Variants in SLC1A1 observed in about 807,000 individuals in gnomAD.
SLC1A1 encodes solute carrier family 1 member 1, also known as excitatory amino acid transporter 3.
SLC1A1 carries 43 observed loss-of-function variants against 53.3 expected under a neutral mutation model. That is an observed-to-expected ratio of 0.81 (90% CI 0.63 to 1.04). SLC1A1 has a LOEUF of 1.04. SLC1A1 is among the 50% of genes least tolerant of loss of function. The pLI is 0.00. For synonymous variants in SLC1A1, 307 were observed against 243.2 expected (o/e 1.26, Z -2.44); for missense variants, 748 against 664.9 (o/e 1.12, Z -1.37).
chr9:4,560,038 T>C (rs1442454998), intron 2 of SLC1A1: 1 of 152,262 alleles, frequency 6.6e-6, no homozygotes, highest in Non-Finnish European at 1.5e-5. Flanking sequence ...GTCATCTTAC[T>C]GGTAGCCAAG....
rs1344633087 is a variant in SLC1A1 at position 4,544,548 on chromosome 9, C to A, written c.92-19C>A. The A allele has an allele frequency of 1.2e-6, 2 of 1,611,078 alleles. No homozygotes were observed. Among genetic ancestry groups the A allele is most frequent in the African/African-American group, 1.3e-5 (1 of 74,858 alleles). On this transcript the variant is annotated intron_variant, in intron 1 of 11. Transcript: ENST00000262352. The stretch of plus-strand genomic sequence containing the variant: ...CAATAATGTTCCTCTTCCTTCTTTC[C>A]AACTCTTGTTTTCCTTAGGCATTAC...
At chr9:4,528,689 T>C (rs1054762988) in intron 1 of SLC1A1, among the ~76,000 whole-genome samples, 2 of 152,156 alleles carry the variant, frequency 1.3e-5, no homozygotes, top group African/African-American at 4.8e-5. Flanking sequence ...TATAAAGAGA[T>C]GATACCAGAG....
chr9:4,509,933 A>T (rs555624800), intron 1 of SLC1A1, among the ~76,000 whole-genome samples: 270 of 152,288 alleles, frequency 1.8e-3, no homozygotes, highest in Non-Finnish European at 3.4e-3. Context: ...TCCCAGGTTC[A>T]AGCAATTCTC....
At chr9:4,546,245 AT>A (rs1817485739) in intron 2 of SLC1A1, among the ~76,000 whole-genome samples, 1 of 152,196 alleles carries the variant, frequency 6.6e-6, no homozygotes. Flanking sequence ...ACATTTAATT[AT>A]TTTTATGAAT....
chr9:4,564,759 G>C (rs1440250876), intron 4 of SLC1A1, among the ~76,000 whole-genome samples: 1 of 152,122 alleles, frequency 6.6e-6, no homozygotes, highest in Non-Finnish European at 1.5e-5. Context: ...AGCGCACTTA[G>C]AAAAATACAT....
chr9:4,564,431 C>T lies in SLC1A1; in HGVS notation c.413C>T (p.Thr138Met), dbSNP rs145704593. The T allele has an allele frequency of 5.0e-5, 80 of 1,612,548 alleles. No homozygotes were observed. Among genetic ancestry groups the T allele is most frequent in the South Asian group, 3.5e-4 (32 of 90,860 alleles). The change falls in exon 4 of 12, where the codon ACG (threonine) becomes ATG (methionine). Residue 138 changes from threonine to methionine, a missense_variant. By Grantham distance (81) the Thr-to-Met change is moderately conservative. Transcript: ENST00000262352. ...ARTGSTPEVS[T>M]VDAMLDLIRN... is the part of the protein sequence containing the mutation. The stretch of plus-strand genomic sequence containing the variant: ...ACAGGCAGCACCCCTGAAGTCAGTA[C>T]GGTGGATGCCATGTTAGATCTCATC...
intron 1 of SLC1A1, among the ~76,000 whole-genome samples, chr9:4,492,585 GC>G (rs967840875): frequency 2.6e-5 from 4 of 152,102 alleles, no homozygotes; most frequent in East Asian, 1.9e-4. Context: ...GATTGCTTGA[GC>G]CCAGGAGTTG....
chr9:4,549,245 C>T lies in SLC1A1; in HGVS notation c.232+4538C>T, dbSNP rs373956333. Among the ~76,000 whole-genome samples, 15 of 152,130 alleles carry T rather than the reference C, an allele frequency of 9.9e-5. No homozygotes were observed. Among genetic ancestry groups the T allele is most frequent in the South Asian group, 6.2e-4 (3 of 4,824 alleles). ...CTTCCACTTTAGCCTCTGCCACCCCCGCCTGGGCCAGAAGCACTCCAGTGG... is the reference window on the plus strand; with the variant it reads ...CTTCCACTTTAGCCTCTGCCACCCCTGCCTGGGCCAGAAGCACTCCAGTGG... On this transcript the variant is annotated intron_variant, in intron 2 of 11. Coordinates refer to ENST00000262352, the MANE Select transcript of SLC1A1 (RefSeq NM_004170.6). The surrounding 1 kb of genome is among the most constrained non-coding windows in gnomAD (Gnocchi z 4.1).
chr9:4,561,289 G>A (rs372135394), intron 2 of SLC1A1, among the ~76,000 whole-genome samples, 160 bp from the exon 3 acceptor site: 1 of 152,192 alleles, frequency 6.6e-6, no homozygotes, highest in African/African-American at 2.4e-5. Context: ...AATCTGTTTG[G>A]AATTTTGAAG....
Position 4,556,111 on chromosome 9 carries a change from C to G in SLC1A1, c.233-5338C>G, listed in dbSNP as rs563146335. On this transcript the variant is annotated intron_variant, in intron 2 of 11. Transcript: ENST00000262352. This position sits in a 1 kb window ranked among gnomAD's most constrained non-coding sequence, Gnocchi z 4.1. ...TCAAGAGATTCTCCTGCCTCAGCCTCCTGAGTAGCTGGGATTGCAGGTGCA... is the reference window on the plus strand; with the variant it reads ...TCAAGAGATTCTCCTGCCTCAGCCTGCTGAGTAGCTGGGATTGCAGGTGCA... Among the ~76,000 whole-genome samples, 1 of 152,126 alleles carries G rather than the reference C, an allele frequency of 6.6e-6. No individual in the cohort carries two copies. Among genetic ancestry groups the G allele is most frequent in the African/African-American group, 2.4e-5 (1 of 41,492 alleles).
chr9:4,530,740 C>T lies in SLC1A1; in HGVS notation c.92-13827C>T, dbSNP rs143998438. ...ACAATTATATTATTTTTTAACTCTTCCCCTTCAAATCCTCTAGCACTTAAT... is the reference window on the plus strand; with the variant it reads ...ACAATTATATTATTTTTTAACTCTTTCCCTTCAAATCCTCTAGCACTTAAT... On this transcript the variant is annotated intron_variant, in intron 1 of 11. Coordinates refer to ENST00000262352, the MANE Select transcript of SLC1A1 (RefSeq NM_004170.6). Among the ~76,000 whole-genome samples, 87 of 152,178 alleles carry T rather than the reference C, an allele frequency of 5.7e-4. 2 individuals are homozygous for T. In the East Asian group the frequency reaches 0.016, roughly 28 times the overall value.
intron 10 of SLC1A1, among the ~76,000 whole-genome samples, chr9:4,581,503 G>C (rs1355953795): frequency 1.3e-5 from 2 of 152,310 alleles, no homozygotes; most frequent in African/African-American, 4.8e-5. Context: ...TGAATTTTGA[G>C]TTTCAAGCCC....
chr9:4,552,566 G>A (rs1818022558), intron 2 of SLC1A1, among the ~76,000 whole-genome samples: 3 of 152,086 alleles, frequency 2.0e-5, no homozygotes, highest in Non-Finnish European at 4.4e-5. Flanking sequence ...TGAGCCTGCA[G>A]GCGAGGGAAG....
At chr9:4,493,590 C>G (rs1363930092) in intron 1 of SLC1A1, among the ~76,000 whole-genome samples, 4 of 152,198 alleles carry the variant, frequency 2.6e-5, no homozygotes, top group Admixed American at 6.5e-5. Flanking sequence ...ACATCTTCTT[C>G]TGATTATAGC....
intron 8 of SLC1A1, 23 bp downstream of exon 8, chr9:4,574,037 G>T: frequency 6.8e-7 from 1 of 1,474,398 alleles, no homozygotes; most frequent in South Asian, 1.1e-5. Context: ...CAAGAGAAGA[G>T]ACAGAAACCT....
chr9:4,499,756 T>C (rs188760231), intron 1 of SLC1A1, among the ~76,000 whole-genome samples: 182 of 152,372 alleles, frequency 1.2e-3, no homozygotes, highest in Middle Eastern at 3.4e-3. Context: ...AGATGTTGCT[T>C]AATTTAAGAT....
At chr9:4,537,053 G>A (rs1347275989) in intron 1 of SLC1A1, among the ~76,000 whole-genome samples, 3 of 152,088 alleles carry the variant, frequency 2.0e-5, no homozygotes, top group Admixed American at 2.0e-4. Context: ...TGGAGTGGGG[G>A]GAGGAGGGAG....
intron 2 of SLC1A1, among the ~76,000 whole-genome samples, chr9:4,546,074 G>C (rs1817468210): frequency 6.6e-6 from 1 of 152,080 alleles, no homozygotes; most frequent in South Asian, 2.1e-4. Context: ...CGGGAGGGTG[G>C]GGGTCAGGAT....
At chr9:4,541,553 T>C (rs1324956272) in intron 1 of SLC1A1, among the ~76,000 whole-genome samples, 1 of 152,104 alleles carries the variant, frequency 6.6e-6, no homozygotes, top group Admixed American at 6.5e-5. Context: ...GATCCATACT[T>C]AGAGAGAAAG....
Sources: allele counts gnomAD v4.1 joint callset (sites outside exome capture counted in the v4.1 genomes callset), GRCh38; gene constraint gnomAD v4.1.1; non-coding constraint Gnocchi (gnomAD v3.1); transcripts MANE v1.5; gene names NCBI Gene and HGNC (gene_info 2026-07-23, HGNC 2026-07-21).